Variants in LRRC4C observed in about 807,000 individuals in gnomAD.
LRRC4C encodes the protein leucine rich repeat containing 4C, also known as leucine-rich repeat-containing protein 4C.
A neutral mutation model predicts 33.6 loss-of-function variants in LRRC4C; 5 were observed. The observed-to-expected ratio is 0.15, with a 90% CI of 0.08 to 0.31. LRRC4C has a LOEUF of 0.31. Among genes scored for constraint, LRRC4C ranks in the 10% least tolerant of loss-of-function variants. LRRC4C has a pLI of 1.00. For missense variants in LRRC4C, 560 were observed against 796.7 expected (o/e 0.70, Z 3.58); for synonymous variants, 329 against 302.0 (o/e 1.09, Z -0.93).
chr11:41,076,014 C>G (rs1342021334), intron 1 of LRRC4C, among the ~76,000 whole-genome samples: 1 of 152,110 alleles, frequency 6.6e-6, no homozygotes, highest in Non-Finnish European at 1.5e-5. Context: ...GTCTTGATGT[C>G]TAAACATTAA....
chr11:40,689,730 A>C (rs1226614897), intron 2 of LRRC4C, among the ~76,000 whole-genome samples: 1 of 152,110 alleles, frequency 6.6e-6, no homozygotes, highest in Non-Finnish European at 1.5e-5. Flanking sequence ...TGACTGCATA[A>C]ACTTTTCCCT....
intron 1 of LRRC4C, among the ~76,000 whole-genome samples, chr11:40,990,831 C>T (rs924025050): frequency 4.0e-5 from 6 of 151,868 alleles, no homozygotes; most frequent in Admixed American, 1.3e-4. Context: ...AAAGTTTGAC[C>T]TTTGAATATA....
intron 3 of LRRC4C, among the ~76,000 whole-genome samples, chr11:40,322,863 T>A (rs1945920573): frequency 6.6e-6 from 1 of 152,176 alleles, no homozygotes; most frequent in Non-Finnish European, 1.5e-5. Flanking sequence ...ATCCTCATCA[T>A]CATAATTTAT....
At chr11:40,764,847 T>C (rs2137106510) in intron 2 of LRRC4C, among the ~76,000 whole-genome samples, 1 of 152,328 alleles carries the variant, frequency 6.6e-6, no homozygotes, top group Non-Finnish European at 1.5e-5. Flanking sequence ...GCAGTACGTC[T>C]ACAAGTCTTT....
rs114229202 is a variant in LRRC4C at position 40,493,832 on chromosome 11, G to A, written c.-270+154310C>T. 2.9e-3 allele frequency among the ~76,000 whole-genome samples: 440 copies of A among 152,184 alleles called. 3 individuals carry two copies. Among genetic ancestry groups the A allele is most frequent in the African/African-American group, 0.01 (418 of 41,518 alleles). Reference sequence around the variant, plus strand: ...TTAGAAAGACCAAATCATTCTGGGTGCTGACTGTTCTCTCTCAGCCCCCCT... The same window carrying A: ...TTAGAAAGACCAAATCATTCTGGGTACTGACTGTTCTCTCTCAGCCCCCCT... On this transcript the variant is annotated intron_variant, in intron 3 of 6. Transcript: ENST00000528697.
intron 1 of LRRC4C, among the ~76,000 whole-genome samples, chr11:41,133,173 T>G (rs1943093324): frequency 6.6e-6 from 1 of 152,122 alleles, no homozygotes; most frequent in South Asian, 2.1e-4. Context: ...AGATGTGACC[T>G]GGGCCAAAGA....
chr11:41,357,734 A>G lies in LRRC4C; in HGVS notation c.-496+101697T>C, dbSNP rs1427739975. ...AGAAAGCCATAGCTATAATAACAGA[A>G]CAAAACCATAACTTTATAGTTATTC... is the stretch of plus-strand genomic sequence containing the variant. On this transcript the variant is annotated intron_variant, in intron 1 of 6. Coordinates refer to ENST00000528697, the MANE Select transcript of LRRC4C (RefSeq NM_001258419.2). 3.9e-5 allele frequency among the ~76,000 whole-genome samples: 6 copies of G among 152,136 alleles called. No homozygotes were observed. The East Asian group carries it at 1.2e-3, about 29-fold the overall frequency.
intron 1 of LRRC4C, among the ~76,000 whole-genome samples, chr11:41,137,772 G>A (rs925311649): frequency 3.3e-5 from 5 of 152,196 alleles, no homozygotes; most frequent in African/African-American, 1.2e-4. Flanking sequence ...TTCTCCAAAA[G>A]TGTGAATATA....
chr11:41,168,932 C>T (rs528754313), intron 1 of LRRC4C, among the ~76,000 whole-genome samples: 5 of 152,226 alleles, frequency 3.3e-5, no homozygotes, highest in African/African-American at 1.2e-4. Context: ...TGAAACAATG[C>T]CCCATGCCAG....
Position 40,192,060 on chromosome 11 carries a change from C to T in LRRC4C, c.-96+49459G>A, listed in dbSNP as rs184664271. On this transcript the variant is annotated intron_variant, in intron 5 of 6. Transcript: ENST00000528697. ...ATAACATTATATAGGCACTTGATGT[C>T]TAATCTGAAAGATTAGACATTGATA... Among the ~76,000 whole-genome samples the T allele has an allele frequency of 2.7e-3, 415 of 152,134 alleles. 1 individual carries two copies. The highest frequency in any genetic ancestry group is 9.4e-3 in the African/African-American group (392 of 41,490).
intron 3 of LRRC4C, among the ~76,000 whole-genome samples, chr11:40,324,988 C>T (rs1009709572): frequency 6.6e-6 from 1 of 152,056 alleles, no homozygotes; most frequent in Non-Finnish European, 1.5e-5. Context: ...AAAGATTAAC[C>T]CAGTGCTTAG....
chr11:41,021,212 A>T (rs199892738), intron 1 of LRRC4C, among the ~76,000 whole-genome samples: 101,327 of 133,554 alleles, frequency 0.76, 37,095 homozygotes, highest in South Asian at 0.81. Flanking sequence ...AGAGAGAGAG[A>T]GAGTGTGTGT....
At chr11:41,254,539 A>G (rs966173085) in intron 1 of LRRC4C, among the ~76,000 whole-genome samples, 1 of 152,064 alleles carries the variant, frequency 6.6e-6, no homozygotes. Context: ...CTCAAATGAC[A>G]GAAGTCACAT....
chr11:40,506,878 A>T (rs115861033), intron 3 of LRRC4C, among the ~76,000 whole-genome samples: 2,624 of 152,220 alleles, frequency 0.017, 90 homozygotes, highest in African/African-American at 0.059. Flanking sequence ...CTGAAAATTT[A>T]TGAAGTTATT....
chr11:40,167,267 C>T (rs1565079705), intron 5 of LRRC4C, among the ~76,000 whole-genome samples: 1 of 152,050 alleles, frequency 6.6e-6, no homozygotes, highest in Non-Finnish European at 1.5e-5. Flanking sequence ...TCTTGGTAAC[C>T]TTGTAGCAGA....
intron 1 of LRRC4C, among the ~76,000 whole-genome samples, chr11:41,087,207 A>G (rs1179342163): frequency 6.6e-6 from 1 of 151,922 alleles, no homozygotes; most frequent in Non-Finnish European, 1.5e-5. Context: ...TCGTTTTTCC[A>G]TTTTTCCCCA....
intron 2 of LRRC4C, among the ~76,000 whole-genome samples, chr11:40,881,446 C>T (rs1452085480): frequency 2.0e-5 from 3 of 151,996 alleles, no homozygotes; most frequent in East Asian, 1.9e-4. Context: ...GTGTGTTTTG[C>T]GTCAAAGCAA....
At chr11:40,880,776 T>C (rs890960674) in intron 2 of LRRC4C, among the ~76,000 whole-genome samples, 6 of 151,418 alleles carry the variant, frequency 4.0e-5, no homozygotes, top group Non-Finnish European at 7.4e-5. Flanking sequence ...ATTTTTTTGA[T>C]AAAGCTACTG....
chr11:41,047,403 T>G (rs1189167910), intron 1 of LRRC4C, among the ~76,000 whole-genome samples: 1 of 152,158 alleles, frequency 6.6e-6, no homozygotes, highest in African/African-American at 2.4e-5. Flanking sequence ...CTGGTGATGA[T>G]GTAATATGAT....
Sources: allele counts gnomAD v4.1 joint callset (sites outside exome capture counted in the v4.1 genomes callset), GRCh38; gene constraint gnomAD v4.1.1; transcripts MANE v1.5; gene names NCBI Gene and HGNC (gene_info 2026-07-23, HGNC 2026-07-21).